The following CHST3 variants were observed in gnomAD, a reference collection of about 807,000 sequenced individuals.
CHST3 encodes the protein C6ST-1.
In CHST3, 20 loss-of-function variants were observed where a neutral mutation model predicts 35.4. That is an observed-to-expected ratio of 0.57 (90% CI 0.40 to 0.82). CHST3 has a LOEUF of 0.82. Ranked by LOEUF, CHST3 falls within the 40% of genes least tolerant of loss-of-function variation. The pLI, the probability that CHST3 is intolerant of heterozygous loss-of-function variation, is 0.00. For synonymous variants in CHST3, 334 were observed against 295.9 expected (o/e 1.13, Z -1.32); for missense variants, 693 against 670.1 (o/e 1.03, Z -0.38).
At position 72,008,465 on chromosome 10, in the gene CHST3, C is replaced by T. The variant is rs769589064; in HGVS notation, c.1434C>T (p.Val478=). 5 of 1,545,370 alleles carry T rather than the reference C, an allele frequency of 3.2e-6. No individual in the cohort carries two copies. In the South Asian group the frequency reaches 6.0e-5, roughly 19 times the overall value. Residue 478 remains valine, a synonymous_variant, in exon 3 of 3, where the codon GTC becomes GTT. Transcript: ENST00000373115. ...SLLEERGTFW[V]T is the part of the protein sequence containing the mutation. ...TGGAGGAGAGGGGCACCTTCTGGGT[C>T]ACGTAGGGGGGCCGGGGCCCCGTAT...
At position 72,009,930 on chromosome 10, in the gene CHST3, C is replaced by G. The variant is rs1322988673; in HGVS notation, c.*1459C>G. The G allele has an allele frequency of 1.3e-5, 2 of 153,020 alleles. No homozygotes were observed. Among genetic ancestry groups the G allele is most frequent in the East Asian group, 1.9e-4 (1 of 5,198 alleles). 9.5% of individuals were successfully genotyped at this position (153,020 alleles called of 1,614,324 possible). A position where few individuals can be genotyped will look rare whatever the true frequency, so the allele number is the denominator to read the frequency against. On this transcript the variant is annotated 3_prime_UTR_variant, in exon 3 of 3. Transcript: ENST00000373115. The stretch of plus-strand genomic sequence containing the variant: ...GGCTGGGGAAAACCAGCAGGGAGCA[C>G]TTGGCTCCTGGCAGAGGGAGAGGAC...
chr10:71,978,856 C>G (rs968226124), intron 1 of CHST3, among the ~76,000 whole-genome samples: 8 of 152,176 alleles, frequency 5.3e-5, no homozygotes, highest in African/African-American at 1.7e-4. Context: ...CTCTGTGGGC[C>G]AAGAGCAGGA....
chr10:72,001,545 C>T (rs1369832657), intron 1 of CHST3, among the ~76,000 whole-genome samples: 1 of 151,986 alleles, frequency 6.6e-6, no homozygotes, highest in Non-Finnish European at 1.5e-5. Flanking sequence ...ATGATCTCGG[C>T]TCACTGCAAC....
chr10:71,995,421 C>CAAA (rs35954993), intron 1 of CHST3, among the ~76,000 whole-genome samples: 6 of 120,214 alleles, frequency 5.0e-5, no homozygotes, highest in African/African-American at 1.6e-4. Flanking sequence ...GAGTCTGTCT[C>CAAA]AAAAAAAAAA....
intron 2 of CHST3, among the ~76,000 whole-genome samples, chr10:72,006,822 C>T (rs1434117793): frequency 6.6e-6 from 1 of 152,210 alleles, no homozygotes; most frequent in Non-Finnish European, 1.5e-5. Context: ...GCCCCTACAG[C>T]TCTGCACCTG....
At chr10:71,996,763 C>T (rs1258315566) in intron 1 of CHST3, among the ~76,000 whole-genome samples, 1 of 152,104 alleles carries the variant, frequency 6.6e-6, no homozygotes, top group Non-Finnish European at 1.5e-5. Context: ...TTGAGCCCTG[C>T]CACGTGCCAG....
intron 1 of CHST3, among the ~76,000 whole-genome samples, chr10:71,979,409 T>TGGCAGGAGAGGGGTTAGAC: frequency 6.8e-6 from 1 of 147,072 alleles, no homozygotes; most frequent in Non-Finnish European, 1.5e-5. Flanking sequence ...AGGGGTTAGA[T>TGGCAGGAGAGGGGTTAGAC]GGCAGGAGAG....
At position 72,007,564 on chromosome 10, in the gene CHST3, G is replaced by A. The variant is rs1212562169; in HGVS notation, c.533G>A (p.Gly178Asp). 2.5e-6 allele frequency: 4 copies of A among 1,607,240 alleles called. No homozygotes were observed. Among genetic ancestry groups the A allele is most frequent in the South Asian group, 2.2e-5 (2 of 90,996 alleles). Residue 178 changes from glycine (G) to aspartate (D), a missense_variant, in exon 3 of 3, where the codon GGC becomes GAC. Transcript: ENST00000373115. ...CGCACAGTGTCCTTCGAGCCGGGGG[G>A]CGCCAACGCCGCGGGCTCGGCCCTG... Reference protein sequence around the residue: ...IERTVSFEPGGANAAGSALVY... With the variant: ...IERTVSFEPGDANAAGSALVY...
intron 1 of CHST3, among the ~76,000 whole-genome samples, chr10:72,004,388 T>C (rs1291751686): frequency 6.6e-6 from 1 of 152,146 alleles, no homozygotes; most frequent in African/African-American, 2.4e-5. Context: ...ATGATAATCT[T>C]TGTACAGTGG....
chr10:71,965,442 A>G (rs1839620778), intron 1 of CHST3, among the ~76,000 whole-genome samples: 1 of 152,082 alleles, frequency 6.6e-6, no homozygotes, highest in Non-Finnish European at 1.5e-5. Flanking sequence ...CCCCCAGCGG[A>G]TGTGCTTCCT....
At chr10:71,997,750 C>G (rs1400304358) in intron 1 of CHST3, among the ~76,000 whole-genome samples, 1 of 148,500 alleles carries the variant, frequency 6.7e-6, no homozygotes, top group Non-Finnish European at 1.5e-5. Context: ...CAACCTCCAC[C>G]TCCCGGGTCC....
chr10:71,979,295 G>A (rs900448698), intron 1 of CHST3, among the ~76,000 whole-genome samples: 1 of 152,154 alleles, frequency 6.6e-6, no homozygotes, highest in African/African-American at 2.4e-5. Flanking sequence ...TGGAGGTGAG[G>A]ACCCAGGTTG....
rs374181975 is a variant in CHST3, at chr10:71,974,131, G to A, written c.-108+9437G>A. ...TTGAGAGCAGTGCCTGGCACACTGA[G>A]CATCAGGAAGGGTGAGCTATTATTA... On this transcript the variant is annotated intron_variant, in intron 1 of 2. Transcript: ENST00000373115. Among the ~76,000 whole-genome samples the A allele has an allele frequency of 2.3e-3, 358 of 152,362 alleles. 3 individuals carry two copies. Among genetic ancestry groups the A allele is most frequent in the African/African-American group, 8.4e-3 (351 of 41,582 alleles).
intron 1 of CHST3, among the ~76,000 whole-genome samples, chr10:71,976,073 T>G (rs996156740): frequency 6.6e-6 from 1 of 152,204 alleles, no homozygotes; most frequent in Non-Finnish European, 1.5e-5. Context: ...CCCTGTTCGA[T>G]TCTCTGTTCG....
chr10:71,979,241 C>T (rs960297190), intron 1 of CHST3, among the ~76,000 whole-genome samples: 1 of 152,142 alleles, frequency 6.6e-6, no homozygotes, highest in Non-Finnish European at 1.5e-5. Flanking sequence ...GGTCGCTCAG[C>T]GTGTCTGGAC....
intron 1 of CHST3, among the ~76,000 whole-genome samples, chr10:72,002,487 T>C (rs1840003516): frequency 6.6e-6 from 1 of 152,218 alleles, no homozygotes; most frequent in Non-Finnish European, 1.5e-5. Flanking sequence ...AACAGATATG[T>C]TCCTCACAGC....
chr10:72,008,716 T>TAG lies in CHST3; in HGVS notation c.*246_*247dup, dbSNP rs1840076689. Reference sequence around the variant, plus strand: ...CGGGTTGCAGCCTCCTGAGCAGGCCTAGGCAGGCCCGGGCCTGTTGGCAAG... The same window carrying TAG: ...CGGGTTGCAGCCTCCTGAGCAGGCCTAGAGGCAGGCCCGGGCCTGTTGGCAAG... On this transcript the variant is annotated 3_prime_UTR_variant, in exon 3 of 3. Transcript: ENST00000373115. 3 of 647,672 alleles carry TAG rather than the reference T, an allele frequency of 4.6e-6. No individual in the cohort carries two copies. Among genetic ancestry groups the TAG allele is most frequent in the Admixed American group, 7.2e-5 (2 of 27,630 alleles). The allele number at this position is 647,672 out of a possible 1,614,324, so 40.1% of individuals were successfully genotyped here.
intron 1 of CHST3, among the ~76,000 whole-genome samples, chr10:71,980,147 CAG>C (rs747143370): frequency 6.6e-5 from 10 of 152,224 alleles, no homozygotes; most frequent in Non-Finnish European, 1.5e-4. Context: ...AGCTCTAGAA[CAG>C]TGGCTTTCCA....
chr10:72,006,125 T>A, intron 2 of CHST3, 143 bp downstream of exon 2: 1 of 1,072,850 alleles, frequency 9.3e-7, no homozygotes, highest in Non-Finnish European at 1.4e-6. Context: ...TCCCAGGCAG[T>A]GGCTCCTGCA....
Sources: gnomAD v4.1 joint callset for allele counts (sites outside exome capture counted in the v4.1 genomes callset) on GRCh38, gnomAD v4.1.1 for gene constraint, MANE v1.5 for transcripts, NCBI Gene and HGNC (gene_info 2026-07-23, HGNC 2026-07-21) for gene names.